Variants in NYAP2 observed in about 807,000 individuals in gnomAD.
NYAP2 encodes neuronal tyrosine-phosphorylated phosphoinositide-3-kinase adaptor 2.
NYAP2 carries 23 observed loss-of-function variants against 50.4 expected under a neutral mutation model. The ratio of observed to expected loss-of-function variants is 0.46; its 90% CI spans 0.33 to 0.65. The LOEUF (loss-of-function observed/expected upper bound fraction) is 0.65, where lower values mean the gene tolerates loss of function less well. Ranked by LOEUF, NYAP2 falls within the 30% of genes least tolerant of loss-of-function variation. The pLI is 0.02. For synonymous variants in NYAP2, 394 were observed against 365.2 expected (o/e 1.08, Z -0.90); for missense variants, 885 against 861.0 (o/e 1.03, Z -0.35).
chr2:225,599,888 A>T (rs1375831212), intron 5 of NYAP2, among the ~76,000 whole-genome samples: 1 of 152,130 alleles, frequency 6.6e-6, no homozygotes, highest in African/African-American at 2.4e-5. Context: ...GACATTTACA[A>T]TTTCAACTAT....
At chr2:225,509,609 G>A (rs1288723836) in intron 3 of NYAP2, among the ~76,000 whole-genome samples, 1 of 152,172 alleles carries the variant, frequency 6.6e-6, no homozygotes. Flanking sequence ...CACAAGGGGT[G>A]TTCAAATTGC....
chr2:225,683,019 C>CA, the NYAP2 span, among the ~76,000 whole-genome samples: 1 of 150,156 alleles, frequency 6.7e-6, no homozygotes, highest in Non-Finnish European at 1.5e-5. Context: ...TTCCCCCCCC[C>CA]ATTCTGTTCT....
In NYAP2 at chr2:225,571,439, T is replaced by C. The variant is rs1692070993; in HGVS notation, c.524-10502T>C. On this transcript the variant is annotated intron_variant, in intron 4 of 6. Coordinates refer to ENST00000636099, the Ensembl canonical transcript of NYAP2. Reference sequence around the variant, plus strand: ...ACATACAAGCATTTCCATACATCCTTGGAAATCTAGGTGAAGATTCCCAAA... The same window carrying C: ...ACATACAAGCATTTCCATACATCCTCGGAAATCTAGGTGAAGATTCCCAAA... 2.6e-5 allele frequency among the ~76,000 whole-genome samples: 4 copies of C among 152,234 alleles called. No individual in the cohort carries two copies. In the South Asian group the frequency reaches 8.3e-4, roughly 31 times the overall value.
intron 3 of NYAP2, among the ~76,000 whole-genome samples, chr2:225,455,022 A>G (rs555519925): frequency 6.6e-6 from 1 of 152,292 alleles, no homozygotes; most frequent in African/African-American, 2.4e-5. Context: ...AGCAAACTTC[A>G]CTGGCAACTG....
chr2:225,689,575 A>G, the NYAP2 span, among the ~76,000 whole-genome samples: 2 of 152,124 alleles, frequency 1.3e-5, no homozygotes, highest in Non-Finnish European at 2.9e-5. Context: ...CATTTTTTCA[A>G]TATGTCTATA....
chr2:225,437,335 T>C (rs1159733397), intron 3 of NYAP2, among the ~76,000 whole-genome samples: 1 of 152,150 alleles, frequency 6.6e-6, no homozygotes, highest in African/African-American at 2.4e-5. Context: ...GTTTTAATCA[T>C]CTAAAGAGAA....
intron 2 of NYAP2, among the ~76,000 whole-genome samples, chr2:225,405,241 C>T (rs746309410): frequency 6.6e-6 from 1 of 151,976 alleles, no homozygotes; most frequent in Admixed American, 6.6e-5. Context: ...TCACAAATAC[C>T]TCATGCACCA....
the NYAP2 span, among the ~76,000 whole-genome samples, chr2:225,697,857 A>C: frequency 6.6e-6 from 1 of 152,018 alleles, no homozygotes; most frequent in South Asian, 2.1e-4. Flanking sequence ...TTGTTTTGTA[A>C]GAATTATTTC....
intron 3 of NYAP2, among the ~76,000 whole-genome samples, chr2:225,470,809 A>T (rs1422759154): frequency 3.7e-5 from 5 of 133,600 alleles, no homozygotes. Context: ...ATATGTATGT[A>T]TATGTGTGTG....
intron 4 of NYAP2, among the ~76,000 whole-genome samples, chr2:225,524,196 C>CA (rs1160363674): frequency 6.6e-6 from 1 of 152,110 alleles, no homozygotes; most frequent in Non-Finnish European, 1.5e-5. Flanking sequence ...GTAGGGAAGC[C>CA]AAAAGTGCAG....
At chr2:225,652,629 T>A in exon 7 of NYAP2, 1 of 152,246 alleles carries the variant, frequency 6.6e-6, no homozygotes, top group South Asian at 2.1e-4. Flanking sequence ...CATTCTGGAA[T>A]GTTTTCTCTC....
chr2:225,417,907 T>C (rs1695150888), intron 3 of NYAP2, among the ~76,000 whole-genome samples: 1 of 152,054 alleles, frequency 6.6e-6, no homozygotes, highest in Non-Finnish European at 1.5e-5. Context: ...CTTGTCCTCA[T>C]CGGAGTTACA....
chr2:225,603,626 T>C (rs1692734874), intron 5 of NYAP2, among the ~76,000 whole-genome samples: 1 of 152,118 alleles, frequency 6.6e-6, no homozygotes, highest in Non-Finnish European at 1.5e-5. Flanking sequence ...TGCCTCCACA[T>C]TGCTCCATTC....
chr2:225,444,323 C>A (rs747839747), intron 3 of NYAP2, among the ~76,000 whole-genome samples: 1 of 152,146 alleles, frequency 6.6e-6, no homozygotes, highest in Admixed American at 6.6e-5. Flanking sequence ...CCACACTCAC[C>A]CTGAGTACAG....
chr2:225,518,562 AT>A (rs1559202535), intron 4 of NYAP2, among the ~76,000 whole-genome samples: 3,911 of 40,046 alleles, frequency 0.098, 944 homozygotes, highest in East Asian at 0.12. Context: ...ATATATATAT[AT>A]ATATATTAGC....
chr2:225,437,112 C>A (rs1367598083), intron 3 of NYAP2, among the ~76,000 whole-genome samples: 1 of 151,882 alleles, frequency 6.6e-6, no homozygotes, highest in Non-Finnish European at 1.5e-5. Context: ...AGCACCCAAG[C>A]AATATAAATT....
chr2:225,651,782 T>C (rs145773268), exon 7 of NYAP2: 197 of 545,638 alleles, frequency 3.6e-4, no homozygotes, highest in Non-Finnish European at 6.0e-4. Context: ...ATCGTTTTTG[T>C]CTCTGGTTTC....
intron 3 of NYAP2, among the ~76,000 whole-genome samples, chr2:225,504,481 C>T (rs1011527360): frequency 2.0e-5 from 3 of 152,126 alleles, no homozygotes; most frequent in Non-Finnish European, 4.4e-5. Flanking sequence ...CTTATATCAG[C>T]CACCTTGATA....
chr2:225,626,939 CCGAAGCCACAGCA>C lies in NYAP2; in HGVS notation c.1644_1656del (p.Ser551TyrfsTer39). 1 of 1,578,272 alleles carries C rather than the reference CCGAAGCCACAGCA, an allele frequency of 6.3e-7. No individual in the cohort carries two copies. Among genetic ancestry groups the C allele is most frequent in the Non-Finnish European group, 8.6e-7 (1 of 1,162,058 alleles). ...CAGAATCAACAGAGGAACTGAAAGTCCGAAGCCACAGCACGGAGCCATTACCAAAGTTGGACAA... is the reference window on the plus strand; with the variant it reads ...CAGAATCAACAGAGGAACTGAAAGTCCGGAGCCATTACCAAAGTTGGACAA... On this transcript the variant is annotated frameshift_variant, in exon 6 of 7. Coordinates refer to ENST00000636099, the Ensembl canonical transcript of NYAP2. LOFTEE classifies it high-confidence loss of function.
Sources: gnomAD v4.1 joint callset for allele counts (sites outside exome capture counted in the v4.1 genomes callset) on GRCh38, gnomAD v4.1.1 for gene constraint, MANE v1.5 for transcripts, NCBI Gene and HGNC (gene_info 2026-07-23, HGNC 2026-07-21) for gene names.